GOT2: variants seen among roughly 807,000 people sequenced by gnomAD.
The protein encoded by GOT2 is aspartate aminotransferase, mitochondrial.
A neutral mutation model predicts 50.0 loss-of-function variants in GOT2; 17 were observed. That is an observed-to-expected ratio of 0.34 (90% confidence interval 0.23 to 0.51). GOT2 has a LOEUF of 0.51. Ranked by LOEUF, GOT2 falls within the 20% of genes least tolerant of loss-of-function variation. The pLI is 0.97. For synonymous variants in GOT2, 172 were observed against 204.9 expected (o/e 0.84, Z 1.37); for missense variants, 430 against 559.6 (o/e 0.77, Z 2.34).
intron 8 of GOT2, among the ~76,000 whole-genome samples, chr16:58,714,342 G>A (rs949834893): frequency 1.3e-5 from 2 of 152,100 alleles, no homozygotes; most frequent in Non-Finnish European, 2.9e-5. Flanking sequence ...CTTGATGCCA[G>A]GAGTTTGAGA....
At chr16:58,716,559 G>GACACACACAC (rs3075037) in intron 7 of GOT2, 104 bp downstream of exon 7, 254 of 725,084 alleles carry the variant, frequency 3.5e-4, no homozygotes, top group Non-Finnish European at 5.3e-4. Context: ...GACATGGATG[G>GACACACACAC]ACACACACAC....
At chr16:58,723,724 A>C (rs1422890173) in intron 2 of GOT2, 22 bp downstream of exon 2, 1 of 1,599,866 alleles carries the variant, frequency 6.3e-7, no homozygotes, top group Non-Finnish European at 8.6e-7. Flanking sequence ...CCCATTCAAA[A>C]GGAGATGAAC....
rs1187572202 is a variant in GOT2 at position 58,718,264 on chromosome 16, A to G, written c.634T>C (p.Cys212Arg). ...TCCACTCCCGTGGGATTGTGGGCGC[A>G]GGCATGCAGAAGAAGAACACTCTGC... ...PEQSVLLLHA[C>R]AHNPTGVDPR... The change falls in exon 6 of 10, where the codon TGC (cysteine) becomes CGC (arginine). Residue 212 changes from cysteine to arginine, a missense_variant. Coordinates refer to ENST00000245206, the MANE Select transcript of GOT2 (RefSeq NM_002080.4). 6.2e-7 allele frequency: 1 copy of G among 1,614,092 alleles called. No individual in the cohort carries two copies. The highest frequency in any genetic ancestry group is 8.5e-7 in the Non-Finnish European group (1 of 1,179,914).
rs528452099 is a variant in GOT2, at chr16:58,707,383, G to C, written c.*788C>G. The C allele has an allele frequency of 6.6e-6, 1 of 152,300 alleles. No homozygotes were observed. The highest frequency in any genetic ancestry group is 2.1e-4 in the South Asian group (1 of 4,828). 9.4% of individuals were successfully genotyped at this position (152,300 alleles called of 1,614,324 possible). ...GACAACATCCCAACTGGAGAAACTT[G>C]CACTATCATTCAAGAGGATGCCGAG... On this transcript the variant is annotated 3_prime_UTR_variant, in exon 10 of 10. Coordinates refer to ENST00000245206, the MANE Select transcript of GOT2 (RefSeq NM_002080.4).
intron 1 of GOT2, among the ~76,000 whole-genome samples, chr16:58,727,981 A>G (rs1202122579): frequency 5.9e-5 from 5 of 84,298 alleles, no homozygotes; most frequent in Admixed American, 1.2e-4. Context: ...TTCTTTCCCA[A>G]CAAAGGTTCT....
intron 6 of GOT2, 83 bp from the exon 7 acceptor site, chr16:58,716,896 G>T (rs2044699895): frequency 2.3e-6 from 3 of 1,301,802 alleles, no homozygotes; most frequent in Admixed American, 1.9e-5. Flanking sequence ...AGATGTTTAT[G>T]TGAGGTGGGC....
chr16:58,718,544 C>T lies in GOT2; in HGVS notation c.580G>A (p.Ala194Thr), dbSNP rs201083152. ...PKTCGFDFTG[A>T]VEDISKIPEQ... is the part of the protein sequence containing the mutation. Reference sequence around the variant, plus strand: ...ACACTTACTGAAATATCCTCCACAGCGCCTGTGAAGTCAAAACCGCAAGTC... The same window carrying T: ...ACACTTACTGAAATATCCTCCACAGTGCCTGTGAAGTCAAAACCGCAAGTC... Residue 194 changes from alanine to threonine, a missense_variant, in exon 5 of 10, where the codon GCT becomes ACT. By Grantham distance (58) the Ala-to-Thr change is moderately conservative. Transcript: ENST00000245206. 6.4e-5 allele frequency: 102 copies of T among 1,586,508 alleles called. No individual in the cohort carries two copies. The highest frequency in any genetic ancestry group is 3.8e-4 in the East Asian group (17 of 44,574).
At position 58,707,191 on chromosome 16, in the gene GOT2, A is replaced by T. The variant is rs1168080138; in HGVS notation, c.*980T>A. The T allele has an allele frequency of 6.6e-6, 1 of 152,258 alleles. No individual in the cohort carries two copies. The highest frequency in any genetic ancestry group is 2.4e-5 in the African/African-American group (1 of 41,466). The allele number at this position is 152,258 out of a possible 1,614,324, so 9.4% of individuals were successfully genotyped here. A position where few individuals can be genotyped will look rare whatever the true frequency, so the allele number is the denominator to read the frequency against. ...CAGGCCGCAATAAGTCTACATGGTT[A>T]GAGCAGATGGTGGTTCTTTCCAGTG... On this transcript the variant is annotated 3_prime_UTR_variant, in exon 10 of 10. Coordinates refer to ENST00000245206, the MANE Select transcript of GOT2 (RefSeq NM_002080.4).
chr16:58,708,106 G>A lies in GOT2; in HGVS notation c.*65C>T. 1 of 1,530,620 alleles carries A rather than the reference G, an allele frequency of 6.5e-7. No homozygotes were observed. Among genetic ancestry groups the A allele is most frequent in the Non-Finnish European group, 9.0e-7 (1 of 1,116,238 alleles). The allele number at this position is 1,530,620 out of a possible 1,614,324, so 94.8% of individuals were successfully genotyped here. The stretch of plus-strand genomic sequence containing the variant: ...CCATCCACCCTCTCTCATTGTCTGT[G>A]TGAAGCTCTCAATAGCAGAGGCTGA... On this transcript the variant is annotated 3_prime_UTR_variant, in exon 10 of 10. Coordinates refer to ENST00000245206, the MANE Select transcript of GOT2 (RefSeq NM_002080.4).
Position 58,711,535 on chromosome 16 carries a change from C to A in GOT2, c.1020-1968G>T, listed in dbSNP as rs1333226250. Among the ~76,000 whole-genome samples, 5 of 152,322 alleles carry A rather than the reference C, an allele frequency of 3.3e-5. 1 individual carries two copies. The South Asian group carries it at 8.3e-4, about 25-fold the overall frequency. ...TTATGCACGGTTAGAAGAGAGATCA[C>A]AAACTGCCAATTAAAGACCAAATAT... On this transcript the variant is annotated intron_variant, in intron 8 of 9. Coordinates refer to ENST00000245206, the MANE Select transcript of GOT2 (RefSeq NM_002080.4).
chr16:58,718,627 G>A lies in GOT2; in HGVS notation c.497C>T (p.Thr166Ile). The change falls in exon 5 of 10, where the codon ACA (threonine) becomes ATA (isoleucine). Residue 166 changes from threonine to isoleucine, a missense_variant. Physicochemically the swap from Thr to Ile is moderately conservative, Grantham distance 89 (BLOSUM62 -1). Coordinates refer to ENST00000245206, the MANE Select transcript of GOT2 (RefSeq NM_002080.4). ...FLPKPTWGNH[T>I]PIFRDAGMQL... ...CATGCCAGCATCCCTGAAGATGGGT[G>A]TGTGGTTTCCCCAGGTTGGTTTGGG... 1 of 1,610,368 alleles carries A rather than the reference G, an allele frequency of 6.2e-7. No individual in the cohort carries two copies. The highest frequency in any genetic ancestry group is 8.5e-7 in the Non-Finnish European group (1 of 1,177,868).
chr16:58,712,229 T>C (rs1178906865), intron 8 of GOT2, among the ~76,000 whole-genome samples: 2 of 152,144 alleles, frequency 1.3e-5, no homozygotes, highest in Non-Finnish European at 2.9e-5. Flanking sequence ...ATATCATGTG[T>C]GGCCAGGCGC....
chr16:58,712,149 TC>T (rs1395460197), intron 8 of GOT2, among the ~76,000 whole-genome samples: 2 of 152,150 alleles, frequency 1.3e-5, no homozygotes, highest in African/African-American at 4.8e-5. Flanking sequence ...CATTACATCT[TC>T]TCTAACTCCC....
intron 3 of GOT2, among the ~76,000 whole-genome samples, chr16:58,721,317 T>A (rs2044738257): frequency 6.6e-6 from 1 of 152,160 alleles, no homozygotes; most frequent in Non-Finnish European, 1.5e-5. Context: ...CAAAAGAAAG[T>A]GAACCACAAT....
intron 1 of GOT2, 82 bp downstream of exon 1, chr16:58,734,058 G>A (rs6499971): frequency 0.037 from 25,159 of 677,820 alleles, 2,888 homozygotes; most frequent in African/African-American, 0.29. Flanking sequence ...TGGGGGCCGG[G>A]AGGGGTGAAT....
In GOT2 at chr16:58,708,346, C is replaced by T. The variant is rs199622478; in HGVS notation, c.1171-53G>A. The stretch of plus-strand genomic sequence containing the variant: ...TCTTCCCGGTACAGGGGATTCTCCC[C>T]GGCCTGACATGGCACAGTAGCCAAC... On this transcript the variant is annotated intron_variant, in intron 9 of 9. Transcript: ENST00000245206. The T allele has an allele frequency of 5.4e-5, 85 of 1,585,018 alleles. No individual in the cohort carries two copies. In the East Asian group the frequency reaches 8.3e-4, roughly 16 times the overall value.
chr16:58,723,843 G>C lies in GOT2; in HGVS notation c.149C>G (p.Ala50Gly), dbSNP rs771477611. 49 of 1,613,024 alleles carry C rather than the reference G, an allele frequency of 3.0e-5. 1 individual carries two copies. The East Asian group carries it at 3.8e-4, about 12-fold the overall frequency. ...PPDPILGVTE[A>G]FKRDTNSKKM... is the part of the protein sequence containing the mutation. ...TTTGCTATTGGTGTCCCTCTTAAAG[G>C]CTTCAGTGACTCCCAGAATGGGATC... The change falls in exon 2 of 10, where the codon GCC becomes GGC. Residue 50 changes from alanine to glycine, a missense_variant. Ala to Gly is a moderately conservative substitution (Grantham distance 60, BLOSUM62 0). Transcript: ENST00000245206.
chr16:58,723,173 G>A (rs955512280), intron 2 of GOT2, among the ~76,000 whole-genome samples: 1 of 152,164 alleles, frequency 6.6e-6, no homozygotes, highest in Admixed American at 6.5e-5. Context: ...TAGTGATGCA[G>A]GTTGCAGTAG....
In GOT2 at chr16:58,723,889, G is replaced by A. The variant is rs878860088; in HGVS notation, c.103C>T (p.His35Tyr). The change falls in exon 2 of 10, where the codon CAT (histidine) becomes TAT (tyrosine). Residue 35 changes from histidine to tyrosine, a missense_variant. Physicochemically the swap from His to Tyr is moderately conservative, Grantham distance 83 (BLOSUM62 2). Transcript: ENST00000245206. ...ASARASSWWT[H>Y]VEMGPPDPIL... ...GGATCTGGAGGTCCCATTTCCACAT[G>A]GGTCCACCAGGAGCTGAAATGAGAA... The A allele has an allele frequency of 6.2e-7, 1 of 1,613,284 alleles. No individual in the cohort carries two copies. Among genetic ancestry groups the A allele is most frequent in the Admixed American group, 1.7e-5 (1 of 59,896 alleles).
Sources: gnomAD v4.1 joint callset for allele counts (sites outside exome capture counted in the v4.1 genomes callset) on GRCh38, gnomAD v4.1.1 for gene constraint, MANE v1.5 for transcripts, NCBI Gene and HGNC (gene_info 2026-07-23, HGNC 2026-07-21) for gene names.